The following UBE2E1 variants were observed in gnomAD, a reference collection of about 807,000 sequenced individuals.
UBE2E1 encodes the protein ubiquitin-conjugating enzyme E2 E1.
In UBE2E1, 6 loss-of-function variants were observed where a neutral mutation model predicts 21.4. The observed-to-expected ratio is 0.28, with a 90% CI of 0.15 to 0.55. The LOEUF (loss-of-function observed/expected upper bound fraction) is 0.55. UBE2E1 is among the 20% of genes least tolerant of loss of function. The pLI, the probability that UBE2E1 is intolerant of heterozygous loss-of-function variation, is 0.93. For missense variants in UBE2E1, 142 were observed against 236.5 expected (o/e 0.60, Z 2.62); for synonymous variants, 87 against 82.7 (o/e 1.05, Z -0.28).
intron 3 of UBE2E1, among the ~76,000 whole-genome samples, chr3:23,837,382 T>C (rs947685820): frequency 1.1e-4 from 17 of 152,198 alleles, no homozygotes; most frequent in African/African-American, 3.9e-4. Context: ...AACCCAGCAC[T>C]AATACTTGAG....
intron 3 of UBE2E1, among the ~76,000 whole-genome samples, chr3:23,879,803 CT>C (rs1700996693): frequency 6.6e-6 from 1 of 152,218 alleles, no homozygotes; most frequent in Non-Finnish European, 1.5e-5. Context: ...CATCCTTTCA[CT>C]TTTTTTCTAG....
chr3:23,890,451 C>A, intron 5 of UBE2E1, 58 bp from the exon 6 acceptor site: 1 of 1,557,794 alleles, frequency 6.4e-7, no homozygotes, highest in South Asian at 1.2e-5. Flanking sequence ...TCACTATTCG[C>A]TAAAGTTTAA....
chr3:23,849,575 T>G (rs1700280220), intron 3 of UBE2E1, among the ~76,000 whole-genome samples: 1 of 152,216 alleles, frequency 6.6e-6, no homozygotes, highest in South Asian at 2.1e-4. Flanking sequence ...TTTTCATTGC[T>G]CATCTCCCAC....
intron 3 of UBE2E1, among the ~76,000 whole-genome samples, chr3:23,856,681 T>A (rs1482068856): frequency 6.6e-6 from 1 of 152,168 alleles, no homozygotes; most frequent in African/African-American, 2.4e-5. Context: ...TGGGAACTCC[T>A]GTTGATTTGT....
intron 3 of UBE2E1, among the ~76,000 whole-genome samples, chr3:23,846,924 G>A (rs1051281765): frequency 6.6e-6 from 1 of 151,556 alleles, no homozygotes; most frequent in African/African-American, 2.4e-5. Context: ...CTGCTATCTT[G>A]AAATATTCTA....
rs1338899268 is a variant in UBE2E1, at chr3:23,870,827, T to C, written c.204-16740T>C. Among the ~76,000 whole-genome samples the C allele has an allele frequency of 6.6e-6, 1 of 151,278 alleles. No homozygotes were observed. Among genetic ancestry groups the C allele is most frequent in the Admixed American group, 6.6e-5 (1 of 15,208 alleles). The stretch of plus-strand genomic sequence containing the variant: ...TTCCTAGGCAGAGGACCCTGCGGCC[T>C]TCCGCAGTGTTTGTGTCCCTGGGTA... On this transcript the variant is annotated intron_variant, in intron 3 of 5. Coordinates refer to ENST00000306627, the MANE Select transcript of UBE2E1 (RefSeq NM_003341.5). The surrounding 1 kb of genome is among the most constrained non-coding windows in gnomAD (Gnocchi z 4.2).
At chr3:23,807,469 C>G (rs376287567) in intron 2 of UBE2E1, 48 bp downstream of exon 2, 164 of 1,589,870 alleles carry the variant, frequency 1.0e-4, no homozygotes, top group Middle Eastern at 1.7e-4. Context: ...TCCGAACTGC[C>G]TCTTGCTGCA....
chr3:23,818,762 G>A (rs1699580633), intron 3 of UBE2E1, among the ~76,000 whole-genome samples: 1 of 152,190 alleles, frequency 6.6e-6, no homozygotes, highest in African/African-American at 2.4e-5. Context: ...AAGTGCACAA[G>A]ATTGCTGAGA....
rs55941535 is a variant in UBE2E1, at chr3:23,842,198, G to GGTGTGTGTGTGTGTGTGT, written c.203+30722_203+30739dup. Among the ~76,000 whole-genome samples the GGTGTGTGTGTGTGTGTGT allele has an allele frequency of 1.9e-4, 20 of 104,356 alleles. No homozygotes were observed. The highest frequency in any genetic ancestry group is 2.9e-4 in the African/African-American group (8 of 27,700). 68.5% of individuals were successfully genotyped at this position (104,356 alleles called of 152,430 possible). A position where few individuals can be genotyped will look rare whatever the true frequency, so the allele number is the denominator to read the frequency against. ...TATGTCATGACCCAGTAAGTGAAGG[G>GGTGTGTGTGTGTGTGTGT]GTGTGTGTGTGTGTGTGTGTGTGTG... On this transcript the variant is annotated intron_variant, in intron 3 of 5. Coordinates refer to ENST00000306627, the MANE Select transcript of UBE2E1 (RefSeq NM_003341.5). The surrounding 1 kb of genome is among the most constrained non-coding windows in gnomAD (Gnocchi z 4.6).
chr3:23,857,001 T>TAA (rs34840201), intron 3 of UBE2E1, among the ~76,000 whole-genome samples: 22,677 of 129,642 alleles, frequency 0.17, 2,752 homozygotes, highest in African/African-American at 0.34. Flanking sequence ...GGCTGTCTCT[T>TAA]AAAAAAAAAA....
intron 3 of UBE2E1, among the ~76,000 whole-genome samples, chr3:23,848,306 T>A (rs115909957): frequency 0.015 from 2,327 of 152,176 alleles, 24 homozygotes; most frequent in Non-Finnish European, 0.023. Context: ...TTGTCTCTCT[T>A]AAAAATACAA....
intron 3 of UBE2E1, among the ~76,000 whole-genome samples, chr3:23,850,860 T>TTA (rs1335174624): frequency 7.7e-5 from 10 of 129,096 alleles, no homozygotes; most frequent in South Asian, 2.5e-4. Context: ...TTTTTTTTTT[T>TTA]AAGAGACAGG....
chr3:23,833,968 A>G (rs949562476), intron 3 of UBE2E1, among the ~76,000 whole-genome samples: 2 of 151,974 alleles, frequency 1.3e-5, no homozygotes, highest in African/African-American at 2.4e-5. Flanking sequence ...ACTGCACTCC[A>G]GCCCTGTCTC....
chr3:23,815,262 G>A (rs1208272196), intron 3 of UBE2E1, among the ~76,000 whole-genome samples: 4 of 152,196 alleles, frequency 2.6e-5, no homozygotes, highest in Non-Finnish European at 5.9e-5. Context: ...GATTACAGGC[G>A]TGAGCCATGG....
At chr3:23,858,425 T>A (rs1184269021) in intron 3 of UBE2E1, among the ~76,000 whole-genome samples, 1 of 152,196 alleles carries the variant, frequency 6.6e-6, no homozygotes, top group East Asian at 1.9e-4. Flanking sequence ...GTTCAAGCAA[T>A]TCTCCTGCCT....
At chr3:23,855,292 A>C (rs1249211051) in intron 3 of UBE2E1, among the ~76,000 whole-genome samples, 1 of 152,184 alleles carries the variant, frequency 6.6e-6, no homozygotes, top group East Asian at 1.9e-4. Context: ...AATTTTATTA[A>C]ATTAGTACAT....
rs1248365058 is a variant in UBE2E1, at chr3:23,887,225, G to C, written c.204-342G>C. On this transcript the variant is annotated intron_variant, in intron 3 of 5. Coordinates refer to ENST00000306627, the MANE Select transcript of UBE2E1 (RefSeq NM_003341.5). This position sits in a 1 kb window ranked among gnomAD's most constrained non-coding sequence, Gnocchi z 4.4. ...CTGTGAGCAAAAACTGCTCGCATTT[G>C]TCACTAATTTCGCTTCTAGGTGCTG... Among the ~76,000 whole-genome samples, 2 of 152,196 alleles carry C rather than the reference G, an allele frequency of 1.3e-5. No homozygotes were observed. The highest frequency in any genetic ancestry group is 2.4e-5 in the African/African-American group (1 of 41,444).
intron 3 of UBE2E1, among the ~76,000 whole-genome samples, chr3:23,875,387 G>A (rs539024652): frequency 5.9e-5 from 9 of 152,198 alleles, no homozygotes; most frequent in African/African-American, 9.6e-5. Flanking sequence ...ACTTAAATTC[G>A]GATGTACAAA....
At chr3:23,854,088 C>T (rs138641118) in intron 3 of UBE2E1, among the ~76,000 whole-genome samples, 14 of 151,960 alleles carry the variant, frequency 9.2e-5, no homozygotes, top group Admixed American at 4.6e-4. Flanking sequence ...CGAAACCCCA[C>T]GTCTACTAAA....
Sources: allele counts gnomAD v4.1 joint callset (sites outside exome capture counted in the v4.1 genomes callset), GRCh38; gene constraint gnomAD v4.1.1; non-coding constraint Gnocchi (gnomAD v3.1); transcripts MANE v1.5; gene names NCBI Gene and HGNC (gene_info 2026-07-23, HGNC 2026-07-21).